PAQR5: variants seen among roughly 807,000 people sequenced by gnomAD.
PAQR5 encodes the protein progestin and adipoQ receptor family member 5.
In PAQR5, 20 loss-of-function variants were observed where a neutral mutation model predicts 34.5. The observed-to-expected ratio is 0.58, with a 90% CI of 0.41 to 0.84. The LOEUF (loss-of-function observed/expected upper bound fraction) is 0.84, where lower values mean the gene tolerates loss of function less well. Among genes scored for constraint, PAQR5 ranks in the 40% least tolerant of loss-of-function variants. The pLI is 0.00. For missense variants in PAQR5, 378 were observed against 412.7 expected, an observed-to-expected ratio of 0.92 and a Z score of 0.73; for synonymous variants, 131 against 155.6, an observed-to-expected ratio of 0.84 and a Z score of 1.18.
chr15:69,371,370 A>G (rs1460816089), intron 3 of PAQR5, among the ~76,000 whole-genome samples: 1 of 152,206 alleles, frequency 6.6e-6, no homozygotes, highest in Non-Finnish European at 1.5e-5. Context: ...AGGCTGCAGC[A>G]TATGATAATT....
chr15:69,401,834 C>T (rs545095553), intron 8 of PAQR5, among the ~76,000 whole-genome samples: 3 of 152,170 alleles, frequency 2.0e-5, no homozygotes, highest in South Asian at 4.1e-4. Flanking sequence ...GTGGCCAGGC[C>T]GGTTCATTCC....
intron 1 of PAQR5, among the ~76,000 whole-genome samples, chr15:69,322,691 G>GGAA (rs780711031): frequency 0.039 from 995 of 25,404 alleles, 44 homozygotes; most frequent in Middle Eastern, 0.074. Context: ...AAGGAGAAGA[G>GGAA]GAAGAAGAAG....
intron 2 of PAQR5, among the ~76,000 whole-genome samples, chr15:69,339,174 C>CG (rs1052033475): frequency 1.1e-4 from 16 of 145,968 alleles, no homozygotes; most frequent in South Asian, 6.7e-4. Flanking sequence ...GGCTACACCC[C>CG]CCACCCCGCC....
In PAQR5 at chr15:69,389,581, G is replaced by A. The variant is rs576772567; in HGVS notation, c.386-73G>A. On this transcript the variant is annotated intron_variant, in intron 5 of 8. Coordinates refer to ENST00000395407, the MANE Select transcript of PAQR5 (RefSeq NM_017705.4). ...TGATAAGGGCCAAGCCAGATGCTGG[G>A]GACAGTCTTTGCAAGGGGCCCATGT... 289 of 1,590,788 alleles carry A rather than the reference G, an allele frequency of 1.8e-4. 5 individuals are homozygous for A. The East Asian group carries it at 5.9e-3, about 33-fold the overall frequency.
At position 69,360,012 on chromosome 15, in the gene PAQR5, A is replaced by C; in HGVS notation, c.-69A>C. 37 of 1,241,848 alleles carry C rather than the reference A, an allele frequency of 3.0e-5. No individual in the cohort carries two copies. The highest frequency in any genetic ancestry group is 3.8e-5 in the Non-Finnish European group (32 of 843,058). 76.9% of individuals were successfully genotyped at this position (1,241,848 alleles called of 1,614,324 possible). On this transcript the variant is annotated 5_prime_UTR_variant, in exon 3 of 9. Coordinates refer to ENST00000395407, the MANE Select transcript of PAQR5 (RefSeq NM_017705.4). ...AGGCAGAGACGCCCCAGGCCATGTT[A>C]GAGCTTTGAGTGAGGCCTGGTAACA...
At chr15:69,330,229 G>A (rs182881605) in intron 1 of PAQR5, among the ~76,000 whole-genome samples, 6 of 152,294 alleles carry the variant, frequency 3.9e-5, no homozygotes, top group African/African-American at 9.6e-5. Context: ...GACTGAGACC[G>A]TGAAAGAGAT....
At chr15:69,395,505 C>T (rs1490533485) in intron 6 of PAQR5, among the ~76,000 whole-genome samples, 1 of 152,222 alleles carries the variant, frequency 6.6e-6, no homozygotes, top group East Asian at 1.9e-4. Flanking sequence ...TTTTTAAAAG[C>T]TGCTGTTTAG....
intron 2 of PAQR5, among the ~76,000 whole-genome samples, chr15:69,344,012 T>G (rs957034377): frequency 1.2e-4 from 19 of 152,088 alleles, no homozygotes; most frequent in Non-Finnish European, 2.8e-4. Context: ...TTTTGTATTT[T>G]TGGTAGAGAT....
chr15:69,390,805 A>G (rs1595933289), intron 6 of PAQR5, among the ~76,000 whole-genome samples: 1 of 149,874 alleles, frequency 6.7e-6, no homozygotes, highest in Non-Finnish European at 1.5e-5. Context: ...AGTCAGGCCC[A>G]GCTTACGCGC....
rs367787380 is a variant in PAQR5 at position 69,379,909 on chromosome 15, C to T, written c.78C>T (p.Phe26=). The change falls in exon 4 of 9, where the codon TTC becomes TTT. Residue 26 remains phenylalanine, a synonymous_variant. Transcript: ENST00000395407. ...TGTTCCATGAGCAAGGCATCCTGTT[C>T]GGCTACCGCCATCCACAGAGTTCTG... ...PQVFHEQGIL[F]GYRHPQSSAT... 1.2e-5 allele frequency: 19 copies of T among 1,613,958 alleles called. No individual in the cohort carries two copies. The highest frequency in any genetic ancestry group is 3.3e-4 in the Middle Eastern group (2 of 6,084).
At chr15:69,361,771 A>G (rs947707722) in intron 3 of PAQR5, among the ~76,000 whole-genome samples, 2 of 152,182 alleles carry the variant, frequency 1.3e-5, no homozygotes. Context: ...AGGGATTACA[A>G]TTTCAGATGA....
chr15:69,333,996 C>T (rs1317839183), intron 1 of PAQR5, among the ~76,000 whole-genome samples: 15 of 152,116 alleles, frequency 9.9e-5, no homozygotes. Flanking sequence ...TTTTTGTTCA[C>T]ATGACTTTAG....
At chr15:69,394,211 A>G (rs532203382) in intron 6 of PAQR5, among the ~76,000 whole-genome samples, 5 of 6,138 alleles carry the variant, frequency 8.1e-4, no homozygotes, top group African/African-American at 1.8e-3. Flanking sequence ...GCTCTGCTCT[A>G]AGGACAGCTT....
At chr15:69,369,402 G>A (rs935217829) in intron 3 of PAQR5, among the ~76,000 whole-genome samples, 1 of 152,144 alleles carries the variant, frequency 6.6e-6, no homozygotes, top group Non-Finnish European at 1.5e-5. Flanking sequence ...AGAGCCTGGT[G>A]GCATGTGCCT....
intron 1 of PAQR5, among the ~76,000 whole-genome samples, chr15:69,316,930 C>T (rs1439331035): frequency 6.6e-6 from 1 of 152,184 alleles, no homozygotes; most frequent in Non-Finnish European, 1.5e-5. Flanking sequence ...AGCAATTCTC[C>T]TGCCTCAGTC....
intron 1 of PAQR5, among the ~76,000 whole-genome samples, chr15:69,307,628 C>T (rs367813030): frequency 1.3e-5 from 2 of 152,320 alleles, no homozygotes; most frequent in South Asian, 4.1e-4. Context: ...AACTTGGGCT[C>T]TGCCCTGTGG....
chr15:69,309,323 G>A (rs969265008), intron 1 of PAQR5, among the ~76,000 whole-genome samples: 5 of 152,226 alleles, frequency 3.3e-5, no homozygotes, highest in African/African-American at 4.8e-5. Context: ...TGCTCCAGGC[G>A]CAGGGCATGG....
At chr15:69,310,363 A>G (rs2053803851) in intron 1 of PAQR5, among the ~76,000 whole-genome samples, 1 of 152,234 alleles carries the variant, frequency 6.6e-6, no homozygotes, top group African/African-American at 2.4e-5. Flanking sequence ...CCCACCTACC[A>G]GCAGTGGATG....
At chr15:69,394,903 T>A (rs1246697812) in intron 6 of PAQR5, among the ~76,000 whole-genome samples, 1 of 152,198 alleles carries the variant, frequency 6.6e-6, no homozygotes, top group Non-Finnish European at 1.5e-5. Flanking sequence ...TTTTTCTCCT[T>A]CTCTTTTCCC....
Sources: allele counts gnomAD v4.1 joint callset (sites outside exome capture counted in the v4.1 genomes callset), GRCh38; gene constraint gnomAD v4.1.1; transcripts MANE v1.5; gene names NCBI Gene and HGNC (gene_info 2026-07-23, HGNC 2026-07-21).